ANK3: variants seen among roughly 807,000 people sequenced by gnomAD.
ANK3 encodes the protein ankyrin-3.
A neutral mutation model predicts 370.9 loss-of-function variants in ANK3; 57 were observed. The ratio of observed to expected loss-of-function variants is 0.15; its 90% CI spans 0.12 to 0.19. The LOEUF (loss-of-function observed/expected upper bound fraction) is 0.19. ANK3 is among the 10% of genes least tolerant of loss of function. The probability of loss-of-function intolerance (pLI) is 1.00; values close to 1 mark genes in which losing one functional copy is unlikely to be tolerated. For synonymous variants in ANK3, 1,929 were observed against 1,946.3 expected (o/e 0.99, Z 0.23); for missense variants, 4,439 against 5,302.1 (o/e 0.84, Z 5.06).
chr10:60,700,548 C>T (rs913109011), intron 1 of ANK3, among the ~76,000 whole-genome samples: 1 of 152,050 alleles, frequency 6.6e-6, no homozygotes, highest in Non-Finnish European at 1.5e-5. Context: ...GCAGAGGTGG[C>T]CAGCTGTGCA....
chr10:60,663,552 A>T (rs1588991509), intron 1 of ANK3, among the ~76,000 whole-genome samples: 2 of 152,150 alleles, frequency 1.3e-5, no homozygotes, highest in South Asian at 4.1e-4. Flanking sequence ...CAGGGTCTCA[A>T]CCCTTAGACT....
At position 60,086,849 on chromosome 10, in the gene ANK3, G is replaced by A. The variant is rs1169925449; in HGVS notation, c.3576C>T (p.Ile1192=). 6.2e-7 allele frequency: 1 copy of A among 1,612,944 alleles called. No individual in the cohort carries two copies. The highest frequency in any genetic ancestry group is 1.7e-5 in the Admixed American group (1 of 59,904). The part of the protein sequence containing the change: ...QPVPDEIVKK[I]LGNKATFSPI... ...GGCTAAAAGTTGCTTTGTTTCCAAG[G>A]ATCTTTTTCACAATTTCATCTGGAA... is the stretch of plus-strand genomic sequence containing the variant. Residue 1192 remains isoleucine, a synonymous_variant, in exon 30 of 44, where the codon ATC becomes ATT. Transcript: ENST00000280772.
At chr10:60,640,803 A>G (rs1480757028) in intron 1 of ANK3, among the ~76,000 whole-genome samples, 2 of 103,166 alleles carry the variant, frequency 1.9e-5, no homozygotes, top group Non-Finnish European at 4.3e-5. Flanking sequence ...ATTAGGCAGG[A>G]GAAGGAAATA....
chr10:60,045,626 A>C (rs2076822615), intron 42 of ANK3, among the ~76,000 whole-genome samples: 1 of 152,206 alleles, frequency 6.6e-6, no homozygotes, highest in African/African-American at 2.4e-5. Flanking sequence ...GGTGAAATGG[A>C]TAATGCTGCT....
intron 2 of ANK3, among the ~76,000 whole-genome samples, chr10:60,461,496 T>A (rs1354924701): frequency 6.6e-6 from 1 of 151,990 alleles, no homozygotes; most frequent in African/African-American, 2.4e-5. Flanking sequence ...ACAAGCAGGG[T>A]GAATAAAGAC....
At chr10:60,644,899 A>AAAAAC (rs202047580) in intron 1 of ANK3, among the ~76,000 whole-genome samples, 6 of 150,506 alleles carry the variant, frequency 4.0e-5, no homozygotes, top group East Asian at 3.9e-4. Flanking sequence ...TTAAAAAAAA[A>AAAAAC]AAAAACGATG....
intron 23 of ANK3, among the ~76,000 whole-genome samples, chr10:60,146,422 T>C (rs1398801629): frequency 6.6e-6 from 1 of 152,188 alleles, no homozygotes; most frequent in Non-Finnish European, 1.5e-5. Flanking sequence ...TAGTACCTGA[T>C]AGACAGTTTT....
At chr10:60,718,116 T>G (rs2079815118) in intron 1 of ANK3, among the ~76,000 whole-genome samples, 1 of 152,238 alleles carries the variant, frequency 6.6e-6, no homozygotes, top group Non-Finnish European at 1.5e-5. Context: ...ATCTGAGACT[T>G]AGCTATTTGT....
chr10:60,171,147 G>A (rs1269158939), intron 21 of ANK3, among the ~76,000 whole-genome samples: 1 of 152,104 alleles, frequency 6.6e-6, no homozygotes, highest in Non-Finnish European at 1.5e-5. Context: ...AAATCCTCAA[G>A]AGGTGTATGA....
chr10:60,249,551 G>A (rs1261076183), intron 7 of ANK3, among the ~76,000 whole-genome samples: 1 of 152,170 alleles, frequency 6.6e-6, no homozygotes, highest in Non-Finnish European at 1.5e-5. Context: ...AGTTTCTCAG[G>A]TATCTTGCCT....
At chr10:60,333,651 G>C (rs1325887368) in intron 1 of ANK3, among the ~76,000 whole-genome samples, 1 of 152,004 alleles carries the variant, frequency 6.6e-6, no homozygotes, top group Non-Finnish European at 1.5e-5. Flanking sequence ...TAGTCCTTTG[G>C]GTATACACCC....
chr10:60,136,219 CT>C (rs2094335408), intron 24 of ANK3, among the ~76,000 whole-genome samples: 1 of 152,116 alleles, frequency 6.6e-6, no homozygotes, highest in Non-Finnish European at 1.5e-5. Context: ...TCCAACAGAA[CT>C]TTATCCTATG....
intron 25 of ANK3, among the ~76,000 whole-genome samples, chr10:60,129,187 T>G (rs1050922530): frequency 6.6e-6 from 1 of 152,146 alleles, no homozygotes; most frequent in Non-Finnish European, 1.5e-5. Context: ...CCAGTGAGAG[T>G]TGCCTTAAAT....
Position 60,630,406 on chromosome 10 carries a change from C to A in ANK3, c.58-15182G>T, listed in dbSNP as rs141051782. ...ACCATGTTACCAATTGTTGCTGCAA[C>A]AGCAAGGTGAACGAGATAGGTAGGT... On this transcript the variant is annotated intron_variant, in intron 1 of 43. Coordinates refer to the ANK3 transcript ENST00000373827. Among the ~76,000 whole-genome samples the A allele has an allele frequency of 4.6e-5, 7 of 152,248 alleles. 1 individual carries two copies. The highest frequency in any genetic ancestry group is 4.6e-4 in the Admixed American group (7 of 15,306).
intron 43 of ANK3, among the ~76,000 whole-genome samples, chr10:60,035,975 T>C (rs779963482): frequency 2.8e-4 from 42 of 152,170 alleles, no homozygotes; most frequent in Non-Finnish European, 5.4e-4. Flanking sequence ...GTCCTGAATT[T>C]GTAGTGAAGC....
At chr10:60,061,014 AAGTTT>A (rs2080337390) in intron 40 of ANK3, among the ~76,000 whole-genome samples, 1 of 152,232 alleles carries the variant, frequency 6.6e-6, no homozygotes, top group Admixed American at 6.5e-5. Context: ...TGAGGAAAGG[AAGTTT>A]CATAAAAGTT....
intron 4 of ANK3, among the ~76,000 whole-genome samples, chr10:60,272,486 T>G (rs1420715692): frequency 2.3e-4 from 2 of 8,882 alleles, no homozygotes; most frequent in Non-Finnish European, 6.0e-4. Flanking sequence ...TCTTGTTTGT[T>G]TTTTTTTTGT....
At chr10:60,725,440 T>C (rs772758887) in intron 1 of ANK3, among the ~76,000 whole-genome samples, 7 of 152,186 alleles carry the variant, frequency 4.6e-5, no homozygotes, top group Non-Finnish European at 7.3e-5. Flanking sequence ...AGTAGATAAC[T>C]AGTCAATTTG....
chr10:60,634,314 A>T (rs1374702327), intron 1 of ANK3, among the ~76,000 whole-genome samples: 2 of 152,194 alleles, frequency 1.3e-5, no homozygotes, highest in Non-Finnish European at 2.9e-5. Context: ...TGTATTTCAA[A>T]ATTCTCCCCT....
Sources: gnomAD v4.1 joint callset for allele counts (sites outside exome capture counted in the v4.1 genomes callset) on GRCh38, gnomAD v4.1.1 for gene constraint, MANE v1.5 for transcripts, NCBI Gene and HGNC (gene_info 2026-07-23, HGNC 2026-07-21) for gene names.